CFAP299: variants seen among roughly 807,000 people sequenced by gnomAD.
CFAP299 encodes cilia and flagella associated protein 299.
CFAP299 carries 21 observed loss-of-function variants against 27.0 expected under a neutral mutation model. The observed-to-expected ratio is 0.78, with a 90% confidence interval of 0.55 to 1.12. CFAP299 has a LOEUF of 1.12. Among genes scored for constraint, CFAP299 ranks in the 50% most tolerant of loss-of-function variants. The pLI, the probability that CFAP299 is intolerant of heterozygous loss-of-function variation, is 0.00. For synonymous variants in CFAP299, 104 were observed against 98.1 expected (o/e 1.06, Z -0.36); for missense variants, 310 against 276.6 (o/e 1.12, Z -0.86).
intron 4 of CFAP299, among the ~76,000 whole-genome samples, chr4:80,885,691 C>T (rs1733936619): frequency 1.3e-5 from 2 of 152,110 alleles, no homozygotes; most frequent in South Asian, 4.2e-4. Context: ...ACTAAACAGT[C>T]CTTGGGCTGT....
At chr4:80,775,797 T>C (rs1726502876) in intron 3 of CFAP299, among the ~76,000 whole-genome samples, 1 of 152,190 alleles carries the variant, frequency 6.6e-6, no homozygotes, top group South Asian at 2.1e-4. Flanking sequence ...AAAATGGTTG[T>C]AAGAAGTGAG....
At chr4:80,874,784 G>A (rs747244570) in intron 4 of CFAP299, among the ~76,000 whole-genome samples, 30 of 152,240 alleles carry the variant, frequency 2.0e-4, no homozygotes, top group Admixed American at 1.1e-3. Flanking sequence ...TGAGAAGCAT[G>A]CCCTAGACTG....
At chr4:80,862,064 C>T (rs183822020) in intron 3 of CFAP299, among the ~76,000 whole-genome samples, 75 of 152,126 alleles carry the variant, frequency 4.9e-4, no homozygotes, top group South Asian at 1.7e-3. Flanking sequence ...TTAATTTCAC[C>T]GGCAATTCAA....
chr4:80,676,894 C>T (rs1319760874), intron 3 of CFAP299, among the ~76,000 whole-genome samples: 2 of 151,724 alleles, frequency 1.3e-5, no homozygotes, highest in Non-Finnish European at 2.9e-5. Context: ...TTCAAAAAAC[C>T]AACTTTTCAT....
At chr4:80,609,634 A>G (rs1737861497) in intron 3 of CFAP299, among the ~76,000 whole-genome samples, 1 of 152,160 alleles carries the variant, frequency 6.6e-6, no homozygotes, top group African/African-American at 2.4e-5. Context: ...ATAATGGAAC[A>G]TATGATTTTT....
At chr4:80,448,105 C>T (rs1385143244) in intron 2 of CFAP299, among the ~76,000 whole-genome samples, 1 of 152,230 alleles carries the variant, frequency 6.6e-6, no homozygotes, top group Non-Finnish European at 1.5e-5. Flanking sequence ...GCTCAGATTA[C>T]CCCACTTCGT....
intron 4 of CFAP299, among the ~76,000 whole-genome samples, chr4:80,920,444 G>A (rs1016670870): frequency 6.6e-6 from 1 of 152,124 alleles, no homozygotes. Context: ...CATGACTGAA[G>A]TCTTTATAAG....
chr4:80,735,918 C>CT (rs1560724748), intron 3 of CFAP299, among the ~76,000 whole-genome samples: 1 of 151,786 alleles, frequency 6.6e-6, no homozygotes, highest in African/African-American at 2.4e-5. Flanking sequence ...GTGTCTTTTT[C>CT]TTTTTTTGGT....
chr4:80,548,059 A>G (rs1443381504), intron 2 of CFAP299, among the ~76,000 whole-genome samples: 2 of 152,172 alleles, frequency 1.3e-5, no homozygotes, highest in African/African-American at 2.4e-5. Flanking sequence ...TGTTCTATCA[A>G]AAAGGCACAC....
chr4:80,882,624 C>CTCCGTCTCAAAAAAAAAAAA (rs1733766363), intron 4 of CFAP299, among the ~76,000 whole-genome samples: 1 of 145,176 alleles, frequency 6.9e-6, no homozygotes, highest in African/African-American at 2.6e-5. Context: ...GGCAAAAGAG[C>CTCCGTCTCAAAAAAAAAAAA]GAGACTCCGT....
intron 3 of CFAP299, among the ~76,000 whole-genome samples, chr4:80,674,372 A>T (rs1318782969): frequency 6.6e-6 from 1 of 152,104 alleles, no homozygotes; most frequent in Non-Finnish European, 1.5e-5. Flanking sequence ...TGGCTTATAG[A>T]GTTTCTCCCA....
At chr4:80,402,597 T>A (rs1560550581) in intron 2 of CFAP299, among the ~76,000 whole-genome samples, 1 of 152,226 alleles carries the variant, frequency 6.6e-6, no homozygotes, top group Non-Finnish European at 1.5e-5. Flanking sequence ...CTTGGGTATG[T>A]CTTTATCAGC....
intron 2 of CFAP299, among the ~76,000 whole-genome samples, chr4:80,391,820 A>G (rs568809198): frequency 6.6e-6 from 1 of 152,288 alleles, no homozygotes; most frequent in South Asian, 2.1e-4. Context: ...TTACAAAATT[A>G]GCCAGGCATG....
intron 2 of CFAP299, among the ~76,000 whole-genome samples, chr4:80,365,357 T>C (rs540012289): frequency 6.6e-6 from 1 of 152,310 alleles, no homozygotes; most frequent in African/African-American, 2.4e-5. Flanking sequence ...GACGTTGAGC[T>C]TTTTCTTATA....
chr4:80,778,239 A>G (rs752550828), intron 3 of CFAP299, among the ~76,000 whole-genome samples: 1 of 152,120 alleles, frequency 6.6e-6, no homozygotes, highest in African/African-American at 2.4e-5. Flanking sequence ...CTGAAGTACA[A>G]CAGATATTTA....
intron 2 of CFAP299, among the ~76,000 whole-genome samples, chr4:80,490,844 A>G (rs1373239268): frequency 6.6e-6 from 1 of 152,188 alleles, no homozygotes; most frequent in East Asian, 1.9e-4. Context: ...AGAAGGGATT[A>G]CTGTCTTTTC....
intron 2 of CFAP299, among the ~76,000 whole-genome samples, chr4:80,405,949 C>T (rs2110055345): frequency 6.6e-6 from 1 of 152,066 alleles, no homozygotes; most frequent in East Asian, 1.9e-4. Context: ...TACCAACTCA[C>T]ACGTTCTTAT....
At chr4:80,495,209 G>C (rs1731374905) in intron 2 of CFAP299, among the ~76,000 whole-genome samples, 2 of 152,138 alleles carry the variant, frequency 1.3e-5, no homozygotes, top group Admixed American at 1.3e-4. Flanking sequence ...TTAGCAAGAA[G>C]AAAGAGAAGG....
chr4:80,905,686 T>G (rs1251731101), intron 4 of CFAP299, among the ~76,000 whole-genome samples: 1 of 152,048 alleles, frequency 6.6e-6, no homozygotes, highest in African/African-American at 2.4e-5. Context: ...ATGTCCTTCT[T>G]CACATGGCAG....
Sources: allele counts gnomAD v4.1 joint callset (sites outside exome capture counted in the v4.1 genomes callset), GRCh38; gene constraint gnomAD v4.1.1; transcripts MANE v1.5; gene names NCBI Gene and HGNC (gene_info 2026-07-23, HGNC 2026-07-21).